The following WASF3 variants were observed in gnomAD, a reference collection of about 807,000 sequenced individuals.
WASF3 encodes the protein WASP family member 3.
A neutral mutation model predicts 46.6 loss-of-function variants in WASF3; 11 were observed. The ratio of observed to expected loss-of-function variants is 0.24; its 90% CI spans 0.15 to 0.39. WASF3 has a LOEUF of 0.39. WASF3 is among the 10% of genes least tolerant of loss of function. The pLI, the probability that WASF3 is intolerant of heterozygous loss-of-function variation, is 1.00. For synonymous variants in WASF3, 242 were observed against 259.7 expected (o/e 0.93, Z 0.65); for missense variants, 576 against 669.8 (o/e 0.86, Z 1.55).
upstream of WASF3, among the ~76,000 whole-genome samples, chr13:26,554,254 T>C (rs1014163963): frequency 1.3e-5 from 2 of 151,904 alleles, no homozygotes; most frequent in African/African-American, 4.8e-5. Flanking sequence ...AGCCTCCTTC[T>C]GAGTGGCTGG....
At chr13:26,576,289 G>T (rs978979167) in intron 1 of WASF3, among the ~76,000 whole-genome samples, 1 of 150,320 alleles carries the variant, frequency 6.7e-6, no homozygotes, top group South Asian at 2.1e-4. Flanking sequence ...TCTTTCTTTT[G>T]TTTCTTTCCT....
At chr13:26,558,742 C>A (rs906382098) in intron 1 of WASF3, among the ~76,000 whole-genome samples, 1 of 152,162 alleles carries the variant, frequency 6.6e-6, no homozygotes, top group Non-Finnish European at 1.5e-5. Context: ...TAGCGGTTTA[C>A]TTCCAGCAAC....
the WASF3 span, among the ~76,000 whole-genome samples, chr13:26,547,419 CACACACA>C: frequency 6.6e-6 from 1 of 151,600 alleles, no homozygotes; most frequent in African/African-American, 2.4e-5. Flanking sequence ...CACACACACA[CACACACA>C]CCCATCATAT....
chr13:26,625,941 C>T (rs187198139), intron 2 of WASF3: 26 of 152,192 alleles, frequency 1.7e-4, no homozygotes, highest in African/African-American at 6.0e-4. Context: ...GAAATGACAT[C>T]ATAACAAATA....
chr13:26,665,122 T>G lies in WASF3; in HGVS notation c.228T>G (p.Leu76=). ...CTCTTCAAGACAGAATTGATCGCCT[T>G]GCTGTCAAAGTCACCCAGCTGGATT... The part of the protein sequence containing the change: ...ANSLQDRIDR[L]AVKVTQLDST... The change falls in exon 4 of 10, where the codon CTT becomes CTG. Residue 76 remains leucine, a synonymous_variant. Coordinates refer to ENST00000335327, the MANE Select transcript of WASF3 (RefSeq NM_006646.6). 1 of 1,614,134 alleles carries G rather than the reference T, an allele frequency of 6.2e-7. No individual in the cohort carries two copies. Among genetic ancestry groups the G allele is most frequent in the South Asian group, 1.1e-5 (1 of 91,076 alleles).
intron 2 of WASF3, among the ~76,000 whole-genome samples, chr13:26,616,885 A>AGT (rs1183872002): frequency 6.6e-6 from 1 of 152,210 alleles, no homozygotes; most frequent in Non-Finnish European, 1.5e-5. Flanking sequence ...CCTCACCTGA[A>AGT]GTACTACAAG....
At chr13:26,633,839 A>C (rs1881732423) in intron 2 of WASF3, among the ~76,000 whole-genome samples, 1 of 152,190 alleles carries the variant, frequency 6.6e-6, no homozygotes, top group Non-Finnish European at 1.5e-5. Flanking sequence ...ATTTGATTGC[A>C]CTGTGTTCTG....
chr13:26,663,436 A>T (rs1360485180), intron 3 of WASF3, among the ~76,000 whole-genome samples: 1 of 152,176 alleles, frequency 6.6e-6, no homozygotes. Flanking sequence ...CCTTTGTGGA[A>T]CCATTTTGCA....
intron 3 of WASF3, among the ~76,000 whole-genome samples, 172 bp from the exon 4 acceptor site, chr13:26,664,856 T>C (rs935311158): frequency 6.6e-6 from 1 of 152,248 alleles, no homozygotes; most frequent in Non-Finnish European, 1.5e-5. Context: ...TTTATATGAG[T>C]ATCTCTAATA....
chr13:26,557,308 G>A (rs1879119657), upstream of WASF3, among the ~76,000 whole-genome samples: 1 of 152,198 alleles, frequency 6.6e-6, no homozygotes, highest in South Asian at 2.1e-4. Flanking sequence ...GGACCTCTGT[G>A]CAGGAGCCCT....
At chr13:26,563,993 G>C (rs1879381224) in intron 1 of WASF3, among the ~76,000 whole-genome samples, 1 of 152,042 alleles carries the variant, frequency 6.6e-6, no homozygotes. Context: ...TCTTGAAATT[G>C]ATCTAAAGAT....
intron 1 of WASF3, chr13:26,576,758 CT>C (rs1259230116): frequency 1.3e-5 from 4 of 309,964 alleles, no homozygotes; most frequent in African/African-American, 8.5e-5. Flanking sequence ...CAATAATAGA[CT>C]CATTGGAAAT....
Position 26,685,828 on chromosome 13 carries a change from A to G in WASF3, c.1492A>G (p.Asn498Asp). The change falls in exon 10 of 10, where the codon AAC becomes GAC. Residue 498 changes from asparagine to aspartate, a missense_variant. Physicochemically the swap from Asn to Asp is conservative, Grantham distance 23. Around this residue, in one of 3 missense-constraint regions of WASF3, gnomAD observed 68 missense variants for 100.3 expected, o/e 0.68. Transcript: ENST00000335327. ...TGACGACGACTCAGAGTTCGACGAGAACGACTGGTCCGACTGAGCAAAGGC... is the reference window on the plus strand; with the variant it reads ...TGACGACGACTCAGAGTTCGACGAGGACGACTGGTCCGACTGAGCAAAGGC... ...DSDDDSEFDE[N>D]DWSD 1.2e-6 allele frequency: 2 copies of G among 1,613,842 alleles called. No homozygotes were observed. Among genetic ancestry groups the G allele is most frequent in the Non-Finnish European group, 1.7e-6 (2 of 1,179,704 alleles).
chr13:26,554,099 CTTTCTTTCTTTCTTT>C (rs1566032490), upstream of WASF3, among the ~76,000 whole-genome samples: 27 of 103,248 alleles, frequency 2.6e-4, 1 homozygote, highest in African/African-American at 1.2e-3. Context: ...TTCCTTCCTT[CTTTCTTTCTTTCTTT>C]CTTTCTTTCT....
intron 3 of WASF3, among the ~76,000 whole-genome samples, chr13:26,650,575 G>T (rs1299501237): frequency 6.6e-6 from 1 of 152,188 alleles, no homozygotes. Flanking sequence ...AACATGCAGG[G>T]ACTGATAGGT....
chr13:26,557,676 C>T (rs927565488), upstream of WASF3: 4 of 161,822 alleles, frequency 2.5e-5, no homozygotes, highest in African/African-American at 7.2e-5. Context: ...GGGGCGTGGC[C>T]GCGGCCGTGG....
chr13:26,598,901 C>T (rs1404055288), intron 1 of WASF3, among the ~76,000 whole-genome samples: 7 of 152,046 alleles, frequency 4.6e-5, no homozygotes, highest in East Asian at 1.9e-4. Flanking sequence ...GACGGAGTCT[C>T]GCTCTGTTGC....
In WASF3 at chr13:26,586,046, A is replaced by G. The variant is rs114933846; in HGVS notation, c.-108-26915A>G. 5.6e-3 allele frequency among the ~76,000 whole-genome samples: 858 copies of G among 152,274 alleles called. 10 individuals carry two copies. Among genetic ancestry groups the G allele is most frequent in the African/African-American group, 0.02 (817 of 41,558 alleles). The stretch of plus-strand genomic sequence containing the variant: ...AGAGTGCTGTACTTGGGTGTCACAG[A>G]ACCCTGGGTTTGTGGATAGAATTAT... On this transcript the variant is annotated intron_variant, in intron 1 of 9. Transcript: ENST00000335327.
intron 2 of WASF3, among the ~76,000 whole-genome samples, chr13:26,631,250 C>G (rs188037034): frequency 6.9e-4 from 105 of 152,268 alleles, no homozygotes; most frequent in African/African-American, 2.4e-3. Context: ...CTTGCCCATG[C>G]CTATGTCCTG....
Sources: allele counts gnomAD v4.1 joint callset (sites outside exome capture counted in the v4.1 genomes callset), GRCh38; gene constraint gnomAD v4.1.1; regional missense constraint gnomAD v4.1.1; transcripts MANE v1.5; gene names NCBI Gene and HGNC (gene_info 2026-07-23, HGNC 2026-07-21).